MEGF11: variants seen among roughly 807,000 people sequenced by gnomAD.
MEGF11 encodes the protein multiple EGF like domains 11, also known as multiple epidermal growth factor-like domains protein 11.
Under a neutral mutation model 146.6 loss-of-function variants are expected in MEGF11, and 126 were observed. That is an observed-to-expected ratio of 0.86 (90% CI 0.74 to 1.00). The LOEUF is 1.00. MEGF11 is among the 50% of genes least tolerant of loss of function. The pLI is 0.00. For synonymous variants in MEGF11, 532 were observed against 583.4 expected, an observed-to-expected ratio of 0.91 and a Z score of 1.27; for missense variants, 1,509 against 1,521.2, an observed-to-expected ratio of 0.99 and a Z score of 0.13.
intron 23 of MEGF11, among the ~76,000 whole-genome samples, 172 bp from the exon 24 acceptor site, chr15:65,906,313 T>C (rs2078627977): frequency 6.6e-6 from 1 of 152,200 alleles, no homozygotes; most frequent in Admixed American, 6.5e-5. Context: ...TGAAATTGTT[T>C]TGATAAATGA....
chr15:66,088,458 C>T (rs1479018078), intron 5 of MEGF11, among the ~76,000 whole-genome samples: 2 of 152,210 alleles, frequency 1.3e-5, no homozygotes, highest in Non-Finnish European at 2.9e-5. Flanking sequence ...TCAAGGTCAG[C>T]TTGGCCAACA....
At chr15:65,918,206 C>A in intron 15 of MEGF11, 112 bp from the exon 16 acceptor site, 1 of 1,499,538 alleles carries the variant, frequency 6.7e-7, no homozygotes, top group East Asian at 2.3e-5. Context: ...ACCCAGGGGT[C>A]ATGGATCTGG....
chr15:66,096,046 T>G (rs923256107), intron 4 of MEGF11, among the ~76,000 whole-genome samples: 1 of 152,128 alleles, frequency 6.6e-6, no homozygotes, highest in Non-Finnish European at 1.5e-5. Flanking sequence ...AATGGGTCAG[T>G]GCCCCCAGGA....
intron 5 of MEGF11, among the ~76,000 whole-genome samples, chr15:65,992,448 T>TTG (rs1555459360): frequency 3.5e-5 from 1 of 28,248 alleles, no homozygotes; most frequent in East Asian, 1.2e-3. Flanking sequence ...TGTGTGTGTG[T>TTG]GTGGGGGGGG....
At chr15:66,143,666 C>T (rs1187459170) in intron 1 of MEGF11, among the ~76,000 whole-genome samples, 2 of 152,218 alleles carry the variant, frequency 1.3e-5, no homozygotes, top group African/African-American at 2.4e-5. Context: ...CTCCAGGGAC[C>T]TCTGCTGGGA....
intron 5 of MEGF11, among the ~76,000 whole-genome samples, chr15:66,054,829 G>A (rs554610075): frequency 5.3e-5 from 8 of 152,162 alleles, no homozygotes; most frequent in Admixed American, 1.3e-4. Flanking sequence ...GTGGTAAAGG[G>A]AAGATTAAAG....
chr15:66,065,301 GAAA>G (rs111808815), intron 5 of MEGF11, among the ~76,000 whole-genome samples: 1 of 133,964 alleles, frequency 7.5e-6, no homozygotes. Context: ...CTATGATGGT[GAAA>G]AAAAAAAAAA....
At chr15:65,933,758 C>T (rs956125226) in intron 10 of MEGF11, among the ~76,000 whole-genome samples, 6 of 152,196 alleles carry the variant, frequency 3.9e-5, no homozygotes, top group Non-Finnish European at 7.3e-5. Context: ...AGAGGGTGGA[C>T]TCTGGTACCA....
At chr15:66,235,932 C>T (rs2092081377) in intron 1 of MEGF11, among the ~76,000 whole-genome samples, 1 of 152,140 alleles carries the variant, frequency 6.6e-6, no homozygotes, top group Non-Finnish European at 1.5e-5. Flanking sequence ...GTACTGGCTC[C>T]CTGTTTGACC....
At chr15:66,192,470 A>AAAAATAAAAT (rs56910946) in intron 1 of MEGF11, among the ~76,000 whole-genome samples, 6,336 of 130,414 alleles carry the variant, frequency 0.049, 216 homozygotes, top group Non-Finnish European at 0.067. Flanking sequence ...ACTCCATCTC[A>AAAAATAAAAT]AAAATAAAAT....
At chr15:65,940,820 T>C (rs1244388082) in intron 10 of MEGF11, among the ~76,000 whole-genome samples, 1 of 152,204 alleles carries the variant, frequency 6.6e-6, no homozygotes, top group East Asian at 1.9e-4. Flanking sequence ...GGAAGCCCCA[T>C]GTAGTATTCA....
chr15:66,009,939 G>A (rs1354099511), intron 5 of MEGF11, among the ~76,000 whole-genome samples: 2 of 152,120 alleles, frequency 1.3e-5, no homozygotes, highest in Non-Finnish European at 2.9e-5. Flanking sequence ...AAGAAGGCTT[G>A]AATGACTTTG....
intron 5 of MEGF11, among the ~76,000 whole-genome samples, chr15:66,078,128 C>T (rs924386321): frequency 3.3e-5 from 5 of 152,170 alleles, no homozygotes; most frequent in African/African-American, 9.7e-5. Flanking sequence ...CATGCTGCTG[C>T]TGCTTATGAG....
chr15:66,130,673 GAA>G (rs992797072), intron 1 of MEGF11, among the ~76,000 whole-genome samples: 8 of 135,114 alleles, frequency 5.9e-5, no homozygotes, highest in East Asian at 2.1e-4. Context: ...AGGAAGGAAG[GAA>G]AAGGAAAGGA....
chr15:66,178,479 T>G (rs2090452959), intron 1 of MEGF11, among the ~76,000 whole-genome samples: 8 of 152,220 alleles, frequency 5.3e-5, no homozygotes, highest in Admixed American at 5.2e-4. Context: ...CGGCCAGCTC[T>G]GTTTGTTGCT....
At chr15:65,961,687 G>C (rs1163575849) in intron 9 of MEGF11, among the ~76,000 whole-genome samples, 2 of 152,218 alleles carry the variant, frequency 1.3e-5, no homozygotes, top group Admixed American at 1.3e-4. Context: ...CAGCAGCCTT[G>C]CCGGAAGGGC....
chr15:66,118,174 C>G (rs919040190), intron 4 of MEGF11, among the ~76,000 whole-genome samples: 1 of 151,950 alleles, frequency 6.6e-6, no homozygotes, highest in Non-Finnish European at 1.5e-5. Context: ...CACTCTCCTA[C>G]AGTAGAGGGA....
intron 24 of MEGF11, among the ~76,000 whole-genome samples, chr15:65,904,652 C>T (rs189883428): frequency 6.6e-6 from 1 of 152,264 alleles, no homozygotes; most frequent in East Asian, 1.9e-4. Flanking sequence ...GTCTGAAAGA[C>T]TAGAACGGTA....
chr15:66,113,430 C>G (rs571317521), intron 4 of MEGF11, among the ~76,000 whole-genome samples: 2 of 152,078 alleles, frequency 1.3e-5, no homozygotes, highest in Admixed American at 6.5e-5. Context: ...GTTCATTTGC[C>G]GGGGGGAAAC....
Sources: gnomAD v4.1 joint callset for allele counts (sites outside exome capture counted in the v4.1 genomes callset) on GRCh38, gnomAD v4.1.1 for gene constraint, MANE v1.5 for transcripts, NCBI Gene and HGNC (gene_info 2026-07-23, HGNC 2026-07-21) for gene names.